NLGN1: variants seen among roughly 807,000 people sequenced by gnomAD.
NLGN1 encodes the protein neuroligin-1.
Under a neutral mutation model 65.5 loss-of-function variants are expected in NLGN1, and 12 were observed. The ratio of observed to expected loss-of-function variants is 0.18; its 90% CI spans 0.12 to 0.30. NLGN1 has a LOEUF of 0.30. Ranked by LOEUF, NLGN1 falls within the 10% of genes least tolerant of loss-of-function variation. The pLI, the probability that NLGN1 is intolerant of heterozygous loss-of-function variation, is 1.00. For missense variants in NLGN1, 750 were observed against 1,007.1 expected (o/e 0.74, Z 3.46); for synonymous variants, 350 against 359.5 (o/e 0.97, Z 0.30).
chr3:174,164,799 C>T (rs1002729828), intron 4 of NLGN1, among the ~76,000 whole-genome samples: 5 of 151,782 alleles, frequency 3.3e-5, no homozygotes, highest in Non-Finnish European at 5.9e-5. Flanking sequence ...AGTGTGATGG[C>T]GCTGGCTTTC....
intron 4 of NLGN1, among the ~76,000 whole-genome samples, chr3:174,210,802 A>C (rs1014622111): frequency 6.6e-6 from 1 of 152,222 alleles, no homozygotes; most frequent in Non-Finnish European, 1.5e-5. Flanking sequence ...CTTCTATATG[A>C]GGGTGGTCCC....
At chr3:173,856,818 A>G (rs1248578600) in intron 4 of NLGN1, among the ~76,000 whole-genome samples, 1 of 152,118 alleles carries the variant, frequency 6.6e-6, no homozygotes, top group Non-Finnish European at 1.5e-5. Context: ...ATAAAGCCAG[A>G]AGTTGACAGG....
chr3:174,265,171 A>C (rs1261397145), intron 4 of NLGN1, among the ~76,000 whole-genome samples: 1 of 151,684 alleles, frequency 6.6e-6, no homozygotes, highest in African/African-American at 2.4e-5. Flanking sequence ...GAGCCTACAG[A>C]GGCAGGCAGG....
At chr3:173,730,963 T>C (rs1019465980) in intron 3 of NLGN1, among the ~76,000 whole-genome samples, 2 of 152,094 alleles carry the variant, frequency 1.3e-5, no homozygotes, top group Non-Finnish European at 2.9e-5. Flanking sequence ...TGGGCAAGGC[T>C]TCAAAGAGGC....
At chr3:174,210,282 G>T in intron 4 of NLGN1, among the ~76,000 whole-genome samples, 1 of 152,166 alleles carries the variant, frequency 6.6e-6, no homozygotes, top group East Asian at 1.9e-4. Context: ...TTTGTTCTCA[G>T]TGTATTTGTG....
intron 4 of NLGN1, among the ~76,000 whole-genome samples, chr3:174,167,785 T>A (rs1727796975): frequency 6.6e-6 from 1 of 151,958 alleles, no homozygotes; most frequent in African/African-American, 2.4e-5. Flanking sequence ...TATTATTCCT[T>A]CAAATATGTT....
At chr3:173,447,551 C>A (rs998939495) in intron 2 of NLGN1, among the ~76,000 whole-genome samples, 23 of 152,142 alleles carry the variant, frequency 1.5e-4, no homozygotes, top group Admixed American at 1.3e-3. Context: ...AATGCAGGCT[C>A]TTTTTTGGTC....
chr3:174,239,040 G>C (rs1354453150), intron 4 of NLGN1, among the ~76,000 whole-genome samples: 1 of 151,702 alleles, frequency 6.6e-6, no homozygotes, highest in Admixed American at 6.6e-5. Context: ...ATAATATATT[G>C]CCTAGTTCTT....
intron 4 of NLGN1, among the ~76,000 whole-genome samples, chr3:173,880,141 C>G (rs1732937315): frequency 6.6e-6 from 1 of 151,918 alleles, no homozygotes; most frequent in African/African-American, 2.4e-5. Context: ...AGGTAAATAC[C>G]TAATTTAAAG....
chr3:174,155,551 A>G (rs1019435529), intron 4 of NLGN1, among the ~76,000 whole-genome samples: 7 of 151,992 alleles, frequency 4.6e-5, no homozygotes, highest in Non-Finnish European at 5.9e-5. Flanking sequence ...TGTGTTTTTC[A>G]GGTTTCAATG....
At chr3:173,469,310 A>G (rs1724922341) in intron 2 of NLGN1, among the ~76,000 whole-genome samples, 1 of 152,044 alleles carries the variant, frequency 6.6e-6, no homozygotes, top group South Asian at 2.1e-4. Flanking sequence ...TTAATTTCCA[A>G]CTAGGCTTTC....
intron 1 of NLGN1, among the ~76,000 whole-genome samples, chr3:173,420,119 A>C (rs1311148165): frequency 6.6e-6 from 1 of 150,858 alleles, no homozygotes; most frequent in Non-Finnish European, 1.5e-5. Context: ...GTACATGTGC[A>C]CAACGTGCAG....
intron 3 of NLGN1, among the ~76,000 whole-genome samples, chr3:173,728,606 T>C (rs1772240234): frequency 6.6e-6 from 1 of 152,080 alleles, no homozygotes; most frequent in Non-Finnish European, 1.5e-5. Flanking sequence ...TTCAGATGAG[T>C]CATGCTTGAT....
rs1430736190 is a variant in NLGN1 at position 173,708,784 on chromosome 3, G to A, written c.494-98896G>A. Among the ~76,000 whole-genome samples the A allele has an allele frequency of 2.0e-5, 3 of 152,002 alleles. No individual in the cohort carries two copies. In the South Asian group the frequency reaches 6.2e-4, roughly 32 times the overall value. ...AATGATCATACATTAAGCATTTGAT[G>A]ATATTTCAGAGATGTCAATTAAATA... On this transcript the variant is annotated intron_variant, in intron 3 of 6. Transcript: ENST00000457714.
At chr3:174,085,297 G>C (rs1223115143) in intron 4 of NLGN1, among the ~76,000 whole-genome samples, 1 of 151,942 alleles carries the variant, frequency 6.6e-6, no homozygotes, top group Non-Finnish European at 1.5e-5. Flanking sequence ...TTCAAATTAA[G>C]AAAAATAACA....
rs79139984 is a variant in NLGN1 at position 173,509,921 on chromosome 3, G to C, written c.-321+74843G>C. On this transcript the variant is annotated intron_variant, in intron 2 of 6. Coordinates refer to ENST00000457714, the Ensembl canonical transcript of NLGN1. Reference sequence around the variant, plus strand: ...TAATTTCAGGAGAGTAGGTTTGCTTGTAAACTATGAGAAATATCCAATTTC... The same window carrying C: ...TAATTTCAGGAGAGTAGGTTTGCTTCTAAACTATGAGAAATATCCAATTTC... Among the ~76,000 whole-genome samples, 1,281 of 152,264 alleles carry C rather than the reference G, an allele frequency of 8.4e-3. 10 individuals are homozygous for C. Among genetic ancestry groups the C allele is most frequent in the African/African-American group, 0.028 (1,153 of 41,560 alleles).
chr3:173,889,837 G>T (rs749998503), intron 4 of NLGN1, among the ~76,000 whole-genome samples: 26 of 152,210 alleles, frequency 1.7e-4, no homozygotes, highest in Middle Eastern at 3.4e-3. Flanking sequence ...TATACTTTAA[G>T]AAACACCACT....
intron 3 of NLGN1, among the ~76,000 whole-genome samples, chr3:173,657,358 T>C (rs554828586): frequency 2.0e-5 from 3 of 152,048 alleles, no homozygotes; most frequent in Non-Finnish European, 2.9e-5. Flanking sequence ...TTTGACCTTC[T>C]TTACTGCTAA....
At chr3:173,660,588 A>G (rs1760791720) in intron 3 of NLGN1, among the ~76,000 whole-genome samples, 1 of 151,888 alleles carries the variant, frequency 6.6e-6, no homozygotes, top group South Asian at 2.1e-4. Context: ...ATACTAAGTG[A>G]TCTTTGGAAT....
Sources: gnomAD v4.1 joint callset for allele counts (sites outside exome capture counted in the v4.1 genomes callset) on GRCh38, gnomAD v4.1.1 for gene constraint, MANE v1.5 for transcripts, NCBI Gene and HGNC (gene_info 2026-07-23, HGNC 2026-07-21) for gene names.